The following GPATCH2L variants were observed in gnomAD, a reference collection of about 807,000 sequenced individuals.
The protein encoded by GPATCH2L is G-patch domain containing 2 like.
In GPATCH2L, 31 loss-of-function variants were observed where a neutral mutation model predicts 57.4. The observed-to-expected ratio is 0.54, with a 90% CI of 0.41 to 0.73. The LOEUF (loss-of-function observed/expected upper bound fraction) is 0.73. Ranked by LOEUF, GPATCH2L falls within the 30% of genes least tolerant of loss-of-function variation. The pLI, the probability that GPATCH2L is intolerant of heterozygous loss-of-function variation, is 0.00. For missense variants in GPATCH2L, 481 were observed against 599.9 expected (o/e 0.80, Z 2.07); for synonymous variants, 199 against 210.7 (o/e 0.94, Z 0.48).
intron 2 of GPATCH2L, among the ~76,000 whole-genome samples, chr14:76,157,204 A>C (rs954115430): frequency 6.6e-6 from 1 of 152,224 alleles, no homozygotes. Flanking sequence ...ATTCATTTGT[A>C]GTTACAAACA....
rs952221478 is a variant in GPATCH2L, at chr14:76,180,823, G to A, written c.1167G>A (p.Arg389=). 5.0e-6 allele frequency: 8 copies of A among 1,612,292 alleles called. No individual in the cohort carries two copies. In the Admixed American group the frequency reaches 6.7e-5, roughly 13 times the overall value. ...LDVLADASHR[R]CSPAHCSARQ... The stretch of plus-strand genomic sequence containing the variant: ...TTCTTGCCGATGCTTCTCACCGAAG[G>A]TGTTCACCAGCACACTGCTCTGCCA... The change falls in exon 8 of 10, where the codon AGG becomes AGA. Residue 389 remains arginine (R), a synonymous_variant. Coordinates refer to ENST00000261530, the MANE Select transcript of GPATCH2L (RefSeq NM_017926.4).
At position 76,166,368 on chromosome 14, in the gene GPATCH2L, A is replaced by G. The variant is rs1433493261; in HGVS notation, c.663-295A>G. Among the ~76,000 whole-genome samples the G allele has an allele frequency of 2.6e-5, 4 of 152,330 alleles. No homozygotes were observed. In the East Asian group the frequency reaches 7.7e-4, roughly 29 times the overall value. ...TAAATTTGTGTTGTTGAATATACCAAACTAGGTTGAGATTACGTCTTTGAG... is the reference window on the plus strand; with the variant it reads ...TAAATTTGTGTTGTTGAATATACCAGACTAGGTTGAGATTACGTCTTTGAG... On this transcript the variant is annotated intron_variant, in intron 2 of 9. Coordinates refer to ENST00000261530, the MANE Select transcript of GPATCH2L (RefSeq NM_017926.4).
At position 76,166,668 on chromosome 14, in the gene GPATCH2L, C is replaced by G; in HGVS notation, c.668C>G (p.Thr223Ser). The G allele has an allele frequency of 6.2e-7, 1 of 1,605,856 alleles. No individual in the cohort carries two copies. ...GTGTTTTACTCTTTTTACAGTGAAA[C>G]CAGCAGTGTGTGTAGCAGCAGTGAC... ...GSDENMSECETSSVCSSSDTG... is the reference protein window; with the variant it reads ...GSDENMSECESSSVCSSSDTG... The change falls in exon 3 of 10, where the codon ACC (threonine) becomes AGC (serine). Residue 223 changes from threonine (T) to serine (S), a missense_variant. Thr to Ser is a moderately conservative substitution (Grantham distance 58). Around this residue, in one of 3 missense-constraint regions of GPATCH2L, gnomAD observed 25 missense variants for 56.9 expected, o/e 0.44. Transcript: ENST00000261530.
chr14:76,226,652 T>C (rs903773577), intron 1 of GPATCH2L, among the ~76,000 whole-genome samples: 8 of 152,156 alleles, frequency 5.3e-5, no homozygotes, highest in Non-Finnish European at 8.8e-5. Flanking sequence ...TTAATGACGC[T>C]ATAAAAAGGG....
At chr14:76,171,028 A>G (rs554700540) in intron 3 of GPATCH2L, among the ~76,000 whole-genome samples, 25 of 152,258 alleles carry the variant, frequency 1.6e-4, no homozygotes, top group African/African-American at 6.0e-4. Context: ...AGCTTTATTT[A>G]TTTATTTTTA....
chr14:76,152,484 G>T (rs2246454), intron 1 of GPATCH2L: 92,757 of 332,264 alleles, frequency 0.28, 14,070 homozygotes, highest in African/African-American at 0.41. Context: ...CTCCTACTCC[G>T]CCCCTCACTT....
chr14:76,159,368 A>G (rs1254516677), intron 2 of GPATCH2L, among the ~76,000 whole-genome samples: 3 of 152,222 alleles, frequency 2.0e-5, no homozygotes, highest in African/African-American at 7.2e-5. Context: ...CTTATTTCGC[A>G]GAATTTGTTC....
chr14:76,184,562 A>G (rs1326348349), intron 8 of GPATCH2L, among the ~76,000 whole-genome samples: 1 of 152,188 alleles, frequency 6.6e-6, no homozygotes, highest in African/African-American at 2.4e-5. Context: ...TTTCATTGCT[A>G]TAAACAAATA....
Position 76,154,248 on chromosome 14 carries a change from C to T in GPATCH2L, c.-10-106C>T. 1 of 926,090 alleles carries T rather than the reference C, an allele frequency of 1.1e-6. No homozygotes were observed. Among genetic ancestry groups the T allele is most frequent in the Admixed American group, 2.8e-5 (1 of 35,992 alleles). 57.4% of individuals were successfully genotyped at this position (926,090 alleles called of 1,614,324 possible). On this transcript the variant is annotated intron_variant, in intron 1 of 9. Coordinates refer to ENST00000261530, the MANE Select transcript of GPATCH2L (RefSeq NM_017926.4). The surrounding 1 kb of genome is among the most constrained non-coding windows in gnomAD (Gnocchi z 4.4). ...TTAGACAGGCAGAACTGTGGACTAC[C>T]ATGATCTGTTTCATCAAATTATTCC...
chr14:76,218,720 T>A (rs2040500336), downstream of GPATCH2L, among the ~76,000 whole-genome samples: 2 of 150,254 alleles, frequency 1.3e-5, no homozygotes, highest in Non-Finnish European at 3.0e-5. Flanking sequence ...AATTTATACA[T>A]CTACAGCAAT....
In GPATCH2L at chr14:76,154,771, A is replaced by C. The variant is rs142484292; in HGVS notation, c.408A>C (p.Thr136=). The C allele has an allele frequency of 1.2e-6, 2 of 1,614,236 alleles. No homozygotes were observed. The change falls in exon 2 of 10, where the codon ACA becomes ACC. Residue 136 remains threonine (T), a synonymous_variant. Transcript: ENST00000261530. The surrounding 1 kb of genome is among the most constrained non-coding windows in gnomAD (Gnocchi z 4.4). The part of the protein sequence containing the change: ...LRRRRKVKRV[T]SEVAASLQQK... ...GCAGGCGGAAGGTGAAGCGAGTGAC[A>C]TCAGAGGTGGCTGCTAGCCTTCAGC...
intron 8 of GPATCH2L, among the ~76,000 whole-genome samples, chr14:76,191,078 A>T (rs889891565): frequency 1.5e-4 from 23 of 152,016 alleles, no homozygotes; most frequent in African/African-American, 4.8e-4. Flanking sequence ...CAACCTTTCT[A>T]CTTGTAGGGA....
intron 1 of GPATCH2L, among the ~76,000 whole-genome samples, chr14:76,223,807 G>A (rs537335059): frequency 2.6e-5 from 4 of 152,212 alleles, no homozygotes; most frequent in Admixed American, 2.6e-4. Flanking sequence ...GAAGATGTAG[G>A]CATGGCCAAC....
rs2040321299 is a variant in GPATCH2L, at chr14:76,202,113, G to T, written c.*262G>T. On this transcript the variant is annotated 3_prime_UTR_variant, in exon 10 of 10. Coordinates refer to ENST00000261530, the MANE Select transcript of GPATCH2L (RefSeq NM_017926.4). ...CTCTATTTGTTACCTTGTTATTGCTGTCTCAACATTTACTACAGCTCCATT... is the reference window on the plus strand; with the variant it reads ...CTCTATTTGTTACCTTGTTATTGCTTTCTCAACATTTACTACAGCTCCATT... 1 of 297,586 alleles carries T rather than the reference G, an allele frequency of 3.4e-6. No homozygotes were observed. The allele number at this position is 297,586 out of a possible 1,614,324, so 18.4% of individuals were successfully genotyped here.
Position 76,161,900 on chromosome 14 carries a change from G to A in GPATCH2L, c.663-4763G>A, listed in dbSNP as rs553418771. The stretch of plus-strand genomic sequence containing the variant: ...AAAATATGAAAATTAGCCAGGCGTG[G>A]TAGCACAGGCCTGTAATCCTAGCTA... On this transcript the variant is annotated intron_variant, in intron 2 of 9. Transcript: ENST00000261530. 3.9e-5 allele frequency among the ~76,000 whole-genome samples: 6 copies of A among 152,262 alleles called. No individual in the cohort carries two copies. The South Asian group carries it at 8.3e-4, about 21-fold the overall frequency.
At chr14:76,168,657 C>A (rs920073008) in intron 3 of GPATCH2L, among the ~76,000 whole-genome samples, 3 of 152,156 alleles carry the variant, frequency 2.0e-5, no homozygotes, top group Admixed American at 1.3e-4. Flanking sequence ...ATATTTAAAG[C>A]CTTTGCTTGA....
At chr14:76,229,826 C>G (rs1428747205) in exon 2 of GPATCH2L, 1 of 152,164 alleles carries the variant, frequency 6.6e-6, no homozygotes, top group African/African-American at 2.4e-5. Context: ...AGGACAGCCC[C>G]CCTGCCCTGA....
rs374668795 is a variant in GPATCH2L, at chr14:76,232,164, G to A, written c.*117+2211G>A. ...TGGGCTCAAGCCATCCTCCTTCCTC[G>A]GCCTCCCAAAATGCTGAGATTACAG... On this transcript the variant is annotated intron_variant and NMD_transcript_variant, in intron 2 of 3. Coordinates refer to the GPATCH2L transcript ENST00000556372. 2.0e-4 allele frequency among the ~76,000 whole-genome samples: 31 copies of A among 152,188 alleles called. No individual in the cohort carries two copies. The South Asian group carries it at 3.3e-3, about 16-fold the overall frequency.
chr14:76,165,060 C>G (rs923298543), intron 2 of GPATCH2L, among the ~76,000 whole-genome samples: 1 of 152,196 alleles, frequency 6.6e-6, no homozygotes, highest in Non-Finnish European at 1.5e-5. Context: ...GTTAAGATGA[C>G]TTTCTTTACA....
Sources: gnomAD v4.1 joint callset for allele counts (sites outside exome capture counted in the v4.1 genomes callset) on GRCh38, gnomAD v4.1.1 for gene constraint, gnomAD v4.1.1 regional missense constraint, Gnocchi (gnomAD v3.1) non-coding constraint, MANE v1.5 for transcripts, NCBI Gene and HGNC (gene_info 2026-07-23, HGNC 2026-07-21) for gene names.